The following GASK1A variants were observed in gnomAD, a reference collection of about 807,000 sequenced individuals.
The protein encoded by GASK1A is golgi associated kinase 1A, also known as Golgi-associated kinase 1A.
GASK1A carries 40 observed loss-of-function variants against 41.2 expected under a neutral mutation model. The ratio of observed to expected loss-of-function variants is 0.97; its 90% CI spans 0.75 to 1.27. The LOEUF (loss-of-function observed/expected upper bound fraction) is 1.27. GASK1A is among the 50% of genes most tolerant of loss of function. GASK1A has a pLI of 0.00. For missense variants in GASK1A, 678 were observed against 745.1 expected (o/e 0.91, Z 1.05); for synonymous variants, 316 against 307.1 (o/e 1.03, Z -0.30).
chr3:43,023,830 A>G (rs2089533178), intron 1 of GASK1A, among the ~76,000 whole-genome samples: 1 of 152,110 alleles, frequency 6.6e-6, no homozygotes, highest in South Asian at 2.1e-4. Flanking sequence ...CTCAAGAGGG[A>G]GATTGGCTTA....
chr3:43,037,616 T>C (rs1281208675), intron 2 of GASK1A, among the ~76,000 whole-genome samples: 1 of 151,344 alleles, frequency 6.6e-6, no homozygotes. Context: ...AAATGATACA[T>C]TTTTAATTTT....
chr3:43,050,990 T>TA (rs1339278642), intron 2 of GASK1A, among the ~76,000 whole-genome samples: 2 of 152,298 alleles, frequency 1.3e-5, no homozygotes, highest in Admixed American at 1.3e-4. Flanking sequence ...TAAATTTTTT[T>TA]ATCTAATGTC....
Position 42,984,882 on chromosome 3 carries a change from G to A in GASK1A, c.3+5237G>A, listed in dbSNP as rs953980363. 8.5e-5 allele frequency among the ~76,000 whole-genome samples: 13 copies of A among 152,158 alleles called. No homozygotes were observed. The highest frequency in any genetic ancestry group is 2.9e-5 in the Non-Finnish European group (2 of 68,032). ...GGGAGTTGAGCTAGCACCATCACAG[G>A]CAGAGCTAGGTTGTAAGGTCATCGT... On this transcript the variant is annotated intron_variant, in intron 1 of 4. Coordinates refer to ENST00000430121, the MANE Select transcript of GASK1A (RefSeq NM_001129908.3). This position sits in a 1 kb window ranked among gnomAD's most constrained non-coding sequence, Gnocchi z 4.2.
At chr3:42,988,574 A>G (rs2089324258) in intron 1 of GASK1A, among the ~76,000 whole-genome samples, 1 of 152,250 alleles carries the variant, frequency 6.6e-6, no homozygotes, top group Non-Finnish European at 1.5e-5. Context: ...GCACAGAGAC[A>G]AACGAGACCA....
chr3:43,026,689 A>G (rs1483660653), intron 1 of GASK1A, among the ~76,000 whole-genome samples: 2 of 152,228 alleles, frequency 1.3e-5, no homozygotes, highest in East Asian at 3.8e-4. Flanking sequence ...CAAATAGAGT[A>G]TAAAAACAAG....
intron 1 of GASK1A, among the ~76,000 whole-genome samples, chr3:42,999,929 ACTT>A (rs1458832728): frequency 6.6e-6 from 1 of 151,998 alleles, no homozygotes; most frequent in Non-Finnish European, 1.5e-5. Context: ...TTTCATCATC[ACTT>A]TGCTGTCCCC....
intron 2 of GASK1A, among the ~76,000 whole-genome samples, chr3:43,036,058 T>C (rs576122453): frequency 8.5e-5 from 13 of 152,368 alleles, no homozygotes; most frequent in African/African-American, 3.1e-4. Flanking sequence ...GTCCAGCTGA[T>C]GTGCTTGCAG....
chr3:43,022,914 AC>A (rs2089529356), intron 1 of GASK1A, among the ~76,000 whole-genome samples: 1 of 152,178 alleles, frequency 6.6e-6, no homozygotes, highest in Non-Finnish European at 1.5e-5. Context: ...AGAGTAAAGC[AC>A]CTCTGTATGG....
At chr3:43,041,189 G>A (rs2089635404) in intron 2 of GASK1A, among the ~76,000 whole-genome samples, 1 of 150,072 alleles carries the variant, frequency 6.7e-6, no homozygotes, top group South Asian at 2.1e-4. Context: ...AAACATACAT[G>A]TGCACGTGTC....
At chr3:43,013,577 G>C (rs1182598633) in intron 1 of GASK1A, among the ~76,000 whole-genome samples, 1 of 151,642 alleles carries the variant, frequency 6.6e-6, no homozygotes, top group Non-Finnish European at 1.5e-5. Flanking sequence ...GTATTGTGAA[G>C]CCAAAGAAGT....
intron 2 of GASK1A, among the ~76,000 whole-genome samples, chr3:43,040,784 AG>A (rs1306203889): frequency 1.3e-5 from 2 of 151,378 alleles, no homozygotes; most frequent in Non-Finnish European, 2.9e-5. Flanking sequence ...CACAATGTGC[AG>A]GTTAGTTACA....
In GASK1A at chr3:42,998,989, A is replaced by G. The variant is rs2089392023; in HGVS notation, c.3+19344A>G. On this transcript the variant is annotated intron_variant, in intron 1 of 4. Transcript: ENST00000430121. Reference sequence around the variant, plus strand: ...TTTTGGACTTTTTTTTTTTAACCTAATATGTGTGTGCGTGTGTGTGTACAC... The same window carrying G: ...TTTTGGACTTTTTTTTTTTAACCTAGTATGTGTGTGCGTGTGTGTGTACAC... Among the ~76,000 whole-genome samples, 2 of 151,782 alleles carry G rather than the reference A, an allele frequency of 1.3e-5. 1 individual carries two copies. Among genetic ancestry groups the G allele is most frequent in the African/African-American group, 4.8e-5 (2 of 41,278 alleles).
intron 1 of GASK1A, among the ~76,000 whole-genome samples, chr3:43,000,766 A>G (rs1253090187): frequency 6.6e-6 from 1 of 152,242 alleles, no homozygotes; most frequent in African/African-American, 2.4e-5. Flanking sequence ...AATTAACTGT[A>G]CAGTCATTCA....
intron 2 of GASK1A, among the ~76,000 whole-genome samples, chr3:43,038,836 G>A (rs2089619499): frequency 6.6e-6 from 1 of 152,014 alleles, no homozygotes; most frequent in African/African-American, 2.4e-5. Flanking sequence ...CCCTGCCCAC[G>A]AGGACTAAGT....
intron 1 of GASK1A, among the ~76,000 whole-genome samples, chr3:42,987,323 G>T (rs2089316979): frequency 1.3e-5 from 2 of 152,184 alleles, no homozygotes; most frequent in South Asian, 4.1e-4. Context: ...GAAGGGGAAG[G>T]GGTGTCTGTA....
intron 2 of GASK1A, among the ~76,000 whole-genome samples, chr3:43,046,987 C>A (rs2089666978): frequency 6.6e-6 from 1 of 152,230 alleles, no homozygotes; most frequent in Non-Finnish European, 1.5e-5. Context: ...TATGGAAACA[C>A]CTGGATGTCC....
At position 43,033,416 on chromosome 3, in the gene GASK1A, C is replaced by G; in HGVS notation, c.1153C>G (p.Gln385Glu). ...GCACCTGAGCGACCCAGATGAGGAT[C>G]AGAACTCTCTGGCCTTGGGCTGGCT... ...VQHLSDPDED[Q>E]NSLALGWLQY... The change falls in exon 2 of 5, where the codon CAG (glutamine) becomes GAG (glutamate). Residue 385 changes from glutamine (Q) to glutamate (E), a missense_variant. Transcript: ENST00000430121. 1.3e-6 allele frequency: 2 copies of G among 1,551,610 alleles called. No homozygotes were observed. The highest frequency in any genetic ancestry group is 1.7e-6 in the Non-Finnish European group (2 of 1,147,008).
chr3:43,045,072 C>T (rs62247127), intron 2 of GASK1A, among the ~76,000 whole-genome samples: 22,157 of 152,058 alleles, frequency 0.15, 1,905 homozygotes, highest in South Asian at 0.36. Context: ...AGAAAGGTAG[C>T]GGTGCATCAA....
At position 43,056,462 on chromosome 3, in the gene GASK1A, A is replaced by G; in HGVS notation, c.*76A>G. On this transcript the variant is annotated 3_prime_UTR_variant, in exon 5 of 5. Transcript: ENST00000430121. The stretch of plus-strand genomic sequence containing the variant: ...CTTGGGCTCACTCATCTTGAGGACA[A>G]ATGGGAAAAGCCAGAAGCCAGAGGG... 1 of 1,334,054 alleles carries G rather than the reference A, an allele frequency of 7.5e-7. No individual in the cohort carries two copies. Among genetic ancestry groups the G allele is most frequent in the Non-Finnish European group, 1.0e-6 (1 of 993,944 alleles). 82.6% of individuals were successfully genotyped at this position (1,334,054 alleles called of 1,614,324 possible).
Sources: allele counts gnomAD v4.1 joint callset (sites outside exome capture counted in the v4.1 genomes callset), GRCh38; gene constraint gnomAD v4.1.1; non-coding constraint Gnocchi (gnomAD v3.1); transcripts MANE v1.5; gene names NCBI Gene and HGNC (gene_info 2026-07-23, HGNC 2026-07-21).